The following NOS2 variants were observed in gnomAD, a reference collection of about 807,000 sequenced individuals.
The protein encoded by NOS2 is nitric oxide synthase, inducible.
A neutral mutation model predicts 136.0 loss-of-function variants in NOS2; 96 were observed. The ratio of observed to expected loss-of-function variants is 0.71; its 90% CI spans 0.60 to 0.84. The LOEUF (loss-of-function observed/expected upper bound fraction) is 0.84. Among genes scored for constraint, NOS2 ranks in the 40% least tolerant of loss-of-function variants. The probability of loss-of-function intolerance (pLI) is 0.00; values close to 1 mark genes in which losing one functional copy is unlikely to be tolerated. For synonymous variants in NOS2, 539 were observed against 587.5 expected (o/e 0.92, Z 1.20); for missense variants, 1,237 against 1,496.9 (o/e 0.83, Z 2.87).
At chr17:27,793,498 C>T (rs1048750721) in intron 2 of NOS2, 8 of 393,614 alleles carry the variant, frequency 2.0e-5, no homozygotes, top group Non-Finnish European at 3.6e-5. Flanking sequence ...ACATCCCCGC[C>T]CTCCGATTTC....
chr17:27,770,454 C>G (rs4796040), intron 15 of NOS2, among the ~76,000 whole-genome samples: 99,558 of 152,160 alleles, frequency 0.65, 32,847 homozygotes, highest in Middle Eastern at 0.8. Flanking sequence ...CCATTGCACT[C>G]TACCCTGGGC....
chr17:27,786,721 T>C (rs543477711), intron 5 of NOS2, among the ~76,000 whole-genome samples: 132 of 152,274 alleles, frequency 8.7e-4, no homozygotes, highest in African/African-American at 3.1e-3. Flanking sequence ...GGTACTATTA[T>C]TATCACCATT....
In NOS2 at chr17:27,769,118, G is replaced by T. The variant is rs1908405340; in HGVS notation, c.1893C>A (p.Tyr631Ter). Residue 631 changes from tyrosine to a stop codon, truncating the protein, a stop_gained, in exon 17 of 27, where the codon TAC (tyrosine) becomes TAA (stop). Transcript: ENST00000313735. LOFTEE classifies it high-confidence loss of function. ...YAVFGLGSSM[Y>*]PRFCAFAHDI... ...CATGAGCAAAGGCGCAGAACCGAGGGTACATGCTGGAGCCGAGGCCAAACA... is the reference window on the plus strand; with the variant it reads ...CATGAGCAAAGGCGCAGAACCGAGGTTACATGCTGGAGCCGAGGCCAAACA... 1.4e-5 allele frequency: 23 copies of T among 1,612,448 alleles called. No individual in the cohort carries two copies. The highest frequency in any genetic ancestry group is 1.9e-5 in the Non-Finnish European group (23 of 1,179,824).
intron 9 of NOS2, among the ~76,000 whole-genome samples, chr17:27,780,313 G>A (rs913355214): frequency 2.0e-5 from 3 of 152,178 alleles, no homozygotes; most frequent in Admixed American, 6.5e-5. Context: ...ATCTCAATAC[G>A]CAGAGGTATT....
chr17:27,761,253 A>G (rs372208538), intron 22 of NOS2, 22 bp from the exon 23 acceptor site: 6 of 1,584,914 alleles, frequency 3.8e-6, no homozygotes, highest in East Asian at 2.3e-5. Flanking sequence ...CCACAAAGTG[A>G]CCAACGTCCC....
At chr17:27,796,323 G>A (rs28998809) in intron 2 of NOS2, among the ~76,000 whole-genome samples, 257 of 152,226 alleles carry the variant, frequency 1.7e-3, no homozygotes, top group African/African-American at 5.3e-3. Flanking sequence ...GGTGGCACAT[G>A]CCTGTAGTCC....
At chr17:27,782,907 C>T (rs750794033) in intron 6 of NOS2, 37 bp downstream of exon 6, 3 of 1,608,846 alleles carry the variant, frequency 1.9e-6, no homozygotes, top group Non-Finnish European at 2.5e-6. Flanking sequence ...GCCTGGCCGC[C>T]TCCAGCTCTC....
intron 22 of NOS2, among the ~76,000 whole-genome samples, chr17:27,761,703 G>A (rs1211367786): frequency 6.6e-6 from 1 of 152,128 alleles, no homozygotes. Flanking sequence ...CTGGGTGGTG[G>A]ATGAGTTCCG....
intron 6 of NOS2, among the ~76,000 whole-genome samples, chr17:27,782,414 C>A (rs28942377): frequency 6.6e-6 from 1 of 152,302 alleles, no homozygotes; most frequent in Admixed American, 6.5e-5. Flanking sequence ...CACCATGAAT[C>A]GGGATTGCCA....
chr17:27,773,466 G>A (rs1310861922), intron 12 of NOS2, among the ~76,000 whole-genome samples: 1 of 152,212 alleles, frequency 6.6e-6, no homozygotes, highest in Admixed American at 6.5e-5. Flanking sequence ...ACATCGAGGG[G>A]GGGCGGCTAA....
At chr17:27,767,328 C>A (rs978916452) in intron 18 of NOS2, among the ~76,000 whole-genome samples, 6 of 152,248 alleles carry the variant, frequency 3.9e-5, no homozygotes, top group African/African-American at 1.4e-4. Context: ...GGGGCTCAGA[C>A]CCCAACATGG....
intron 19 of NOS2, among the ~76,000 whole-genome samples, chr17:27,766,222 GTC>G (rs1203860288): frequency 2.6e-5 from 4 of 152,198 alleles, no homozygotes; most frequent in Non-Finnish European, 5.9e-5. Context: ...AACAGTTTAA[GTC>G]TCTCTTGCAC....
chr17:27,767,222 C>G (rs1908333478), intron 18 of NOS2, among the ~76,000 whole-genome samples: 1 of 152,210 alleles, frequency 6.6e-6, no homozygotes, highest in Admixed American at 6.5e-5. Flanking sequence ...GGCACAGCAC[C>G]TGGGGGTGCA....
chr17:27,757,492 G>C (rs1907966720), intron 26 of NOS2, 139 bp from the exon 27 acceptor site: 3 of 708,840 alleles, frequency 4.2e-6, no homozygotes, highest in South Asian at 3.6e-5. Flanking sequence ...CTTGAATCTG[G>C]TTTAGACCCT....
intron 6 of NOS2, 139 bp downstream of exon 6, chr17:27,782,805 T>A: frequency 1.3e-6 from 1 of 793,974 alleles, no homozygotes; most frequent in Non-Finnish European, 2.0e-6. Context: ...ATCTCAACAT[T>A]TGGGAATGTA....
chr17:27,761,714 C>T (rs920662197), intron 22 of NOS2, among the ~76,000 whole-genome samples: 1 of 152,112 alleles, frequency 6.6e-6, no homozygotes, highest in Non-Finnish European at 1.5e-5. Context: ...ATGAGTTCCG[C>T]GCATTTCAGC....
intron 17 of NOS2, 34 bp from the exon 18 acceptor site, chr17:27,767,871 T>TCAG (rs762744974): frequency 1.9e-6 from 3 of 1,609,468 alleles, no homozygotes; most frequent in Admixed American, 1.7e-5. Flanking sequence ...CGGTTAATGG[T>TCAG]CAGCAGCAGC....
chr17:27,767,572 C>T, intron 18 of NOS2, 133 bp downstream of exon 18: 2 of 1,055,602 alleles, frequency 1.9e-6, no homozygotes, highest in Non-Finnish European at 2.7e-6. Flanking sequence ...CTAACAGGCT[C>T]TTGCATGCAG....
intron 2 of NOS2, among the ~76,000 whole-genome samples, chr17:27,795,735 G>A (rs561050419): frequency 2.8e-4 from 42 of 152,304 alleles, no homozygotes; most frequent in East Asian, 5.8e-4. Context: ...CTTGTGGATC[G>A]TTGGGAGAGT....
Sources: allele counts gnomAD v4.1 joint callset (sites outside exome capture counted in the v4.1 genomes callset), GRCh38; gene constraint gnomAD v4.1.1; transcripts MANE v1.5; gene names NCBI Gene and HGNC (gene_info 2026-07-23, HGNC 2026-07-21).